NTNG1: variants seen among roughly 807,000 people sequenced by gnomAD.
The protein encoded by NTNG1 is netrin-G1.
NTNG1 carries 16 observed loss-of-function variants against 54.0 expected under a neutral mutation model. That is an observed-to-expected ratio of 0.30 (90% CI 0.20 to 0.45). NTNG1 has a LOEUF of 0.45. NTNG1 is among the 20% of genes least tolerant of loss of function. NTNG1 has a pLI of 1.00. For synonymous variants in NTNG1, 255 were observed against 263.1 expected (o/e 0.97, Z 0.30); for missense variants, 530 against 678.7 (o/e 0.78, Z 2.43).
chr1:107,430,968 G>A (rs1375885814), intron 6 of NTNG1, 51 bp downstream of exon 6: 4 of 1,579,002 alleles, frequency 2.5e-6, no homozygotes, highest in South Asian at 2.3e-5. Flanking sequence ...TGAGCTACGG[G>A]GAGATATTTA....
chr1:107,177,336 CT>C (rs1008000999), intron 2 of NTNG1, among the ~76,000 whole-genome samples: 151 of 146,466 alleles, frequency 1.0e-3, no homozygotes, highest in Middle Eastern at 3.5e-3. Flanking sequence ...TAAGAAGCAA[CT>C]TTTTTTTTTT....
At chr1:107,343,743 G>T (rs971863667) in intron 3 of NTNG1, among the ~76,000 whole-genome samples, 7 of 152,066 alleles carry the variant, frequency 4.6e-5, no homozygotes, top group Non-Finnish European at 8.8e-5. Flanking sequence ...CTTTTTATTT[G>T]TTAAAAAGGA....
At chr1:107,230,770 C>G (rs931396598) in intron 2 of NTNG1, among the ~76,000 whole-genome samples, 1 of 151,822 alleles carries the variant, frequency 6.6e-6, no homozygotes, top group Non-Finnish European at 1.5e-5. Context: ...AAACTTTGAA[C>G]ACATATTTAA....
At chr1:107,319,401 A>G (rs936042994) in intron 2 of NTNG1, among the ~76,000 whole-genome samples, 1 of 152,148 alleles carries the variant, frequency 6.6e-6, no homozygotes, top group Non-Finnish European at 1.5e-5. Context: ...CAGTTAAAGC[A>G]TGGTTCTCAT....
intron 7 of NTNG1, among the ~76,000 whole-genome samples, chr1:107,478,205 A>G: frequency 6.6e-6 from 1 of 152,306 alleles, no homozygotes; most frequent in East Asian, 1.9e-4. Flanking sequence ...TATGTATGGT[A>G]AAGTTCTGTA....
rs1318405346 is a variant in NTNG1 at position 107,361,387 on chromosome 1, A to ATTT, written c.888-33766_888-33765insTTT. Among the ~76,000 whole-genome samples, 100 of 76,722 alleles carry ATTT rather than the reference A, an allele frequency of 1.3e-3. 1 individual carries two copies. The highest frequency in any genetic ancestry group is 3.2e-3 in the African/African-American group (77 of 24,424). 50.3% of individuals were successfully genotyped at this position (76,722 alleles called of 152,430 possible). ...TATATATATATACATATATATATATATATATTTTTTTTTTTTTTTGAGACA... is the reference window on the plus strand; with the variant it reads ...TATATATATATACATATATATATATATTTTATATTTTTTTTTTTTTTTGAGACA... On this transcript the variant is annotated intron_variant, in intron 3 of 7. Transcript: ENST00000370068.
chr1:107,228,210 C>T (rs1400938446), intron 2 of NTNG1, among the ~76,000 whole-genome samples: 1 of 152,060 alleles, frequency 6.6e-6, no homozygotes, highest in South Asian at 2.1e-4. Context: ...TAGCATTATC[C>T]CTTATGCCAG....
intron 6 of NTNG1, among the ~76,000 whole-genome samples, chr1:107,432,721 AT>A (rs1335006287): frequency 6.6e-6 from 1 of 152,210 alleles, no homozygotes; most frequent in East Asian, 1.9e-4. Context: ...TTTACATAAG[AT>A]TAAAATGTTT....
At chr1:107,211,052 ACAAT>A (rs1659567678) in intron 2 of NTNG1, among the ~76,000 whole-genome samples, 1 of 152,174 alleles carries the variant, frequency 6.6e-6, no homozygotes. Flanking sequence ...CCTATGTAAT[ACAAT>A]CAGTCATACA....
At chr1:107,407,889 A>G (rs1284784442) in intron 5 of NTNG1, 181 bp downstream of exon 5, 4 of 749,028 alleles carry the variant, frequency 5.3e-6, no homozygotes, top group Admixed American at 1.7e-5. Context: ...AGATAAAGTG[A>G]TTATTTGTGC....
rs566553586 is a variant in NTNG1, at chr1:107,332,263, C to T, written c.887+7341C>T. Among the ~76,000 whole-genome samples, 18 of 152,080 alleles carry T rather than the reference C, an allele frequency of 1.2e-4. No individual in the cohort carries two copies. In the South Asian group the frequency reaches 3.3e-3, roughly 28 times the overall value. ...TTCATTAGCATGCAGAAAAACAATC[C>T]GGTTTAGGAGCTTGTCTCTTTATCC... On this transcript the variant is annotated intron_variant, in intron 3 of 7. Coordinates refer to ENST00000370068, the MANE Select transcript of NTNG1 (RefSeq NM_001113226.3).
chr1:107,179,534 C>G (rs1217987318), intron 2 of NTNG1, among the ~76,000 whole-genome samples: 1 of 151,844 alleles, frequency 6.6e-6, no homozygotes, highest in Non-Finnish European at 1.5e-5. Flanking sequence ...CAAAATATTT[C>G]ATTTTTGTTA....
chr1:107,222,323 A>T (rs1438637090), intron 2 of NTNG1, among the ~76,000 whole-genome samples: 2 of 152,112 alleles, frequency 1.3e-5, no homozygotes, highest in Admixed American at 6.6e-5. Flanking sequence ...GGATTGAGAG[A>T]TATGTATAAA....
intron 2 of NTNG1, among the ~76,000 whole-genome samples, chr1:107,314,311 A>T (rs1570655705): frequency 2.0e-5 from 3 of 152,194 alleles, no homozygotes; most frequent in Admixed American, 2.0e-4. Flanking sequence ...AGGCAGGCGA[A>T]TCGCTTGAAC....
chr1:107,186,681 C>T (rs1304596515), intron 2 of NTNG1, among the ~76,000 whole-genome samples: 1 of 152,100 alleles, frequency 6.6e-6, no homozygotes, highest in African/African-American at 2.4e-5. Flanking sequence ...AAAGACTTTG[C>T]GCTTGTGTTT....
At chr1:107,206,342 A>G (rs990363471) in intron 2 of NTNG1, among the ~76,000 whole-genome samples, 3 of 152,146 alleles carry the variant, frequency 2.0e-5, no homozygotes, top group Admixed American at 2.0e-4. Context: ...TCTAAAGTGT[A>G]TAGTGGTGTT....
chr1:107,295,419 G>T (rs1665881435), intron 2 of NTNG1, among the ~76,000 whole-genome samples: 1 of 152,162 alleles, frequency 6.6e-6, no homozygotes, highest in South Asian at 2.1e-4. Context: ...CTTGCTGTTT[G>T]TCACTAGTTT....
chr1:107,479,670 T>A (rs1426749192), intron 7 of NTNG1, among the ~76,000 whole-genome samples: 1 of 152,154 alleles, frequency 6.6e-6, no homozygotes, highest in East Asian at 1.9e-4. Flanking sequence ...TTCTGCTAAA[T>A]CAGTGAAACA....
At chr1:107,345,098 G>C (rs1307999802) in intron 3 of NTNG1, among the ~76,000 whole-genome samples, 1 of 152,138 alleles carries the variant, frequency 6.6e-6, no homozygotes, top group Non-Finnish European at 1.5e-5. Flanking sequence ...TTCCAAGAGA[G>C]ACTAGGGATC....
Sources: allele counts gnomAD v4.1 joint callset (sites outside exome capture counted in the v4.1 genomes callset), GRCh38; gene constraint gnomAD v4.1.1; transcripts MANE v1.5; gene names NCBI Gene and HGNC (gene_info 2026-07-23, HGNC 2026-07-21).